The following TRPC1 variants were observed in gnomAD, a reference collection of about 807,000 sequenced individuals.
TRPC1 encodes the protein short transient receptor potential channel 1.
A neutral mutation model predicts 88.2 loss-of-function variants in TRPC1; 42 were observed. The observed-to-expected ratio is 0.48, with a 90% CI of 0.37 to 0.62. TRPC1 has a LOEUF of 0.62. TRPC1 is among the 20% of genes least tolerant of loss of function. The pLI is 0.00. For missense variants in TRPC1, 699 were observed against 957.3 expected (o/e 0.73, Z 3.56); for synonymous variants, 288 against 331.8 (o/e 0.87, Z 1.43).
chr3:142,796,796 C>T (rs1936466800), intron 9 of TRPC1, among the ~76,000 whole-genome samples: 1 of 152,092 alleles, frequency 6.6e-6, no homozygotes, highest in Non-Finnish European at 1.5e-5. Context: ...AGGGTTCTAA[C>T]TGAATCTGGC....
Position 142,724,811 on chromosome 3 carries a change from G to A in TRPC1, c.172+80G>A, listed in dbSNP as rs904385465. On this transcript the variant is annotated intron_variant, in intron 1 of 12. Coordinates refer to ENST00000476941, the MANE Select transcript of TRPC1 (RefSeq NM_001251845.2). This position sits in a 1 kb window ranked among gnomAD's most constrained non-coding sequence, Gnocchi z 5.6. Reference sequence around the variant, plus strand: ...CCTCTCCCCCGCCTCAACTTATATCGGGGCATTCCCTCTGTCTCAGGCGCC... The same window carrying A: ...CCTCTCCCCCGCCTCAACTTATATCAGGGCATTCCCTCTGTCTCAGGCGCC... The A allele has an allele frequency of 7.0e-7, 1 of 1,421,720 alleles. No homozygotes were observed. The highest frequency in any genetic ancestry group is 9.3e-7 in the Non-Finnish European group (1 of 1,078,250). The allele number at this position is 1,421,720 out of a possible 1,614,324, so 88.1% of individuals were successfully genotyped here.
chr3:142,797,823 T>C (rs1324521849), intron 9 of TRPC1, among the ~76,000 whole-genome samples: 2 of 152,150 alleles, frequency 1.3e-5, no homozygotes, highest in Non-Finnish European at 2.9e-5. Flanking sequence ...TGAAAAATAA[T>C]ATAAGAAAAC....
intron 4 of TRPC1, among the ~76,000 whole-genome samples, chr3:142,760,480 A>G (rs1577970975): frequency 6.6e-6 from 1 of 152,112 alleles, no homozygotes; most frequent in Non-Finnish European, 1.5e-5. Flanking sequence ...TTGGGTTACT[A>G]TAGCTGTGTA....
At chr3:142,764,347 A>T (rs907768887) in intron 4 of TRPC1, among the ~76,000 whole-genome samples, 11 of 152,032 alleles carry the variant, frequency 7.2e-5, no homozygotes, top group African/African-American at 2.7e-4. Context: ...AATTTTACCA[A>T]TGGTTTTTAT....
rs368863013 is a variant in TRPC1 at position 142,738,809 on chromosome 3, AAGTATC to A, written c.327+2280_327+2285del. Among the ~76,000 whole-genome samples, 1,108 of 152,310 alleles carry A rather than the reference AAGTATC, an allele frequency of 7.3e-3. 16 individuals carry two copies. Among genetic ancestry groups the A allele is most frequent in the African/African-American group, 0.025 (1,053 of 41,566 alleles). ...GCTATCAAGAAAGATTTCATTGGAA[AAGTATC>A]AGTTGACTCAGCCTTGAAATATTAA... is the stretch of plus-strand genomic sequence containing the variant. On this transcript the variant is annotated intron_variant, in intron 2 of 12. Coordinates refer to ENST00000476941, the MANE Select transcript of TRPC1 (RefSeq NM_001251845.2).
At chr3:142,742,493 C>T (rs1015419056) in intron 2 of TRPC1, among the ~76,000 whole-genome samples, 3 of 152,002 alleles carry the variant, frequency 2.0e-5, no homozygotes, top group African/African-American at 7.3e-5. Context: ...GTAAAGTCTG[C>T]CACTTTTAGT....
intron 1 of TRPC1, among the ~76,000 whole-genome samples, chr3:142,733,841 C>T (rs1470054815): frequency 1.3e-5 from 2 of 152,130 alleles, no homozygotes; most frequent in Non-Finnish European, 2.9e-5. Context: ...GAAGAAAAAA[C>T]TGAAAAACAG....
chr3:142,774,117 G>GAGAA (rs1218682105), intron 4 of TRPC1, among the ~76,000 whole-genome samples: 1 of 152,108 alleles, frequency 6.6e-6, no homozygotes, highest in Admixed American at 6.5e-5. Context: ...TTTGGGCTGA[G>GAGAA]GTTCTGCTAA....
chr3:142,791,570 A>G (rs375125345), intron 8 of TRPC1, among the ~76,000 whole-genome samples: 53 of 152,234 alleles, frequency 3.5e-4, no homozygotes, highest in African/African-American at 1.3e-3. Context: ...TTTTCTTTCT[A>G]CTAGATGCCA....
intron 3 of TRPC1, among the ~76,000 whole-genome samples, chr3:142,744,805 A>C (rs753071000): frequency 3.9e-5 from 6 of 152,152 alleles, no homozygotes; most frequent in Non-Finnish European, 7.4e-5. Flanking sequence ...CTACTAAATA[A>C]ATGCTAATTT....
intron 4 of TRPC1, among the ~76,000 whole-genome samples, chr3:142,763,448 T>A (rs551637244): frequency 6.6e-6 from 1 of 152,218 alleles, no homozygotes; most frequent in South Asian, 2.1e-4. Flanking sequence ...TGACCCTCTT[T>A]GTCTTTTTTT....
At position 142,748,284 on chromosome 3, in the gene TRPC1, T is replaced by G. The variant is rs1368219296; in HGVS notation, c.456T>G (p.Pro152=). ...AACTAATGGAACGAATTCAGAATCC[T>G]GAGTATTCAACAACTATGGATGTTG... The part of the protein sequence containing the change: ...IVKLMERIQN[P]EYSTTMDVAP... The change falls in exon 4 of 13, where the codon CCT becomes CCG. Residue 152 remains proline, a synonymous_variant. Coordinates refer to ENST00000476941, the MANE Select transcript of TRPC1 (RefSeq NM_001251845.2). 1 of 1,613,974 alleles carries G rather than the reference T, an allele frequency of 6.2e-7. No individual in the cohort carries two copies. The highest frequency in any genetic ancestry group is 8.5e-7 in the Non-Finnish European group (1 of 1,179,860).
chr3:142,747,592 A>G (rs1279481441), intron 3 of TRPC1, among the ~76,000 whole-genome samples: 9 of 152,162 alleles, frequency 5.9e-5, no homozygotes, highest in Admixed American at 5.9e-4. Flanking sequence ...GGGGATTATA[A>G]TGCTTGGTTT....
intron 4 of TRPC1, among the ~76,000 whole-genome samples, chr3:142,762,207 T>C (rs1935204192): frequency 6.6e-6 from 1 of 152,054 alleles, no homozygotes; most frequent in South Asian, 2.1e-4. Flanking sequence ...GACTAATTAT[T>C]GCATTTTTTG....
Position 142,792,698 on chromosome 3 carries a change from A to G in TRPC1, c.1438-126A>G, listed in dbSNP as rs1336079684. ...CTATTTTTAAAAAACCCTATAAAAC[A>G]TAAGTGGAGATCCCCTATAAGAAGA... is the stretch of plus-strand genomic sequence containing the variant. On this transcript the variant is annotated intron_variant, in intron 8 of 12. Coordinates refer to ENST00000476941, the MANE Select transcript of TRPC1 (RefSeq NM_001251845.2). The surrounding 1 kb of genome is among the most constrained non-coding windows in gnomAD (Gnocchi z 4.0). 1 of 764,090 alleles carries G rather than the reference A, an allele frequency of 1.3e-6. No homozygotes were observed. Among genetic ancestry groups the G allele is most frequent in the East Asian group, 3.2e-5 (1 of 31,712 alleles). The allele number at this position is 764,090 out of a possible 1,614,324, so 47.3% of individuals were successfully genotyped here.
rs1030544969 is a variant in TRPC1, at chr3:142,767,107, T to C, written c.633-10525T>C. On this transcript the variant is annotated intron_variant, in intron 4 of 12. Transcript: ENST00000476941. This position sits in a 1 kb window ranked among gnomAD's most constrained non-coding sequence, Gnocchi z 5.1. ...ATGGTATATCTCTCCATTTAATAGG[T>C]TTCATTTAATTTCTCTCAGCAATAT... Among the ~76,000 whole-genome samples, 1 of 152,170 alleles carries C rather than the reference T, an allele frequency of 6.6e-6. No homozygotes were observed. The highest frequency in any genetic ancestry group is 1.5e-5 in the Non-Finnish European group (1 of 68,020).
chr3:142,732,645 C>T (rs935826815), intron 1 of TRPC1, among the ~76,000 whole-genome samples: 6 of 152,034 alleles, frequency 3.9e-5, no homozygotes, highest in Admixed American at 6.6e-5. Flanking sequence ...GCTAAGAAGA[C>T]GTGCTGTTGA....
At chr3:142,770,564 C>T (rs1935542279) in intron 4 of TRPC1, among the ~76,000 whole-genome samples, 1 of 152,030 alleles carries the variant, frequency 6.6e-6, no homozygotes, top group Admixed American at 6.5e-5. Context: ...TATTTGTGTC[C>T]TTCAATCTAA....
At position 142,776,661 on chromosome 3, in the gene TRPC1, T is replaced by C. The variant is rs761474675; in HGVS notation, c.633-971T>C. Among the ~76,000 whole-genome samples, 77 of 152,170 alleles carry C rather than the reference T, an allele frequency of 5.1e-4. No homozygotes were observed. Among genetic ancestry groups the C allele is most frequent in the Admixed American group, 3.1e-3 (48 of 15,276 alleles). On this transcript the variant is annotated intron_variant, in intron 4 of 12. Transcript: ENST00000476941. The surrounding 1 kb of genome is among the most constrained non-coding windows in gnomAD (Gnocchi z 4.1). ...GGCTCACGCCTGTAATCCCAGCACTTTGGGAGGCCGAGGTGGCTGGATCAC... is the reference window on the plus strand; with the variant it reads ...GGCTCACGCCTGTAATCCCAGCACTCTGGGAGGCCGAGGTGGCTGGATCAC...
Sources: gnomAD v4.1 joint callset for allele counts (sites outside exome capture counted in the v4.1 genomes callset) on GRCh38, gnomAD v4.1.1 for gene constraint, Gnocchi (gnomAD v3.1) non-coding constraint, MANE v1.5 for transcripts, NCBI Gene and HGNC (gene_info 2026-07-23, HGNC 2026-07-21) for gene names.